ADAMTS17: variants seen among roughly 807,000 people sequenced by gnomAD.
The protein encoded by ADAMTS17 is A disintegrin and metalloproteinase with thrombospondin motifs 17.
In ADAMTS17, 113 loss-of-function variants were observed where a neutral mutation model predicts 141.5. The observed-to-expected ratio is 0.80, with a 90% CI of 0.69 to 0.93. The LOEUF is 0.93. Among genes scored for constraint, ADAMTS17 ranks in the 40% least tolerant of loss-of-function variants. The probability of loss-of-function intolerance (pLI) is 0.00; values close to 1 mark genes in which losing one functional copy is unlikely to be tolerated. For missense variants in ADAMTS17, 1,659 were observed against 1,517.9 expected (o/e 1.09, Z -1.54); for synonymous variants, 768 against 630.6 (o/e 1.22, Z -3.27).
At chr15:100,269,995 C>G (rs553519578) in intron 4 of ADAMTS17, among the ~76,000 whole-genome samples, 12 of 152,364 alleles carry the variant, frequency 7.9e-5, no homozygotes, top group African/African-American at 2.6e-4. Flanking sequence ...TTACAAGACT[C>G]CTTTCTTCCT....
chr15:100,282,785 T>A (rs555138257), intron 3 of ADAMTS17, among the ~76,000 whole-genome samples: 15 of 152,076 alleles, frequency 9.9e-5, no homozygotes, highest in African/African-American at 3.6e-4. Flanking sequence ...CAACTATAGA[T>A]AAAGCCAACA....
In ADAMTS17 at chr15:100,303,962, G is replaced by A. The variant is rs191296835; in HGVS notation, c.617-22561C>T. ...TGGTCTCCAACTCCTGACCTCAGGT[G>A]ATCCACCCGCTTCGGCCTCCCAAAG... On this transcript the variant is annotated intron_variant, in intron 3 of 21. Transcript: ENST00000268070. Among the ~76,000 whole-genome samples the A allele has an allele frequency of 1.6e-3, 247 of 152,312 alleles. 4 individuals are homozygous for A. The highest frequency in any genetic ancestry group is 1.6e-3 in the Non-Finnish European group (112 of 68,028).
chr15:100,176,783 C>T (rs1195402803), intron 8 of ADAMTS17, among the ~76,000 whole-genome samples: 1 of 152,256 alleles, frequency 6.6e-6, no homozygotes, highest in Non-Finnish European at 1.5e-5. Context: ...CCTCCCTATC[C>T]TTCAAACCCT....
At chr15:100,017,541 G>T (rs193207202) in intron 18 of ADAMTS17, among the ~76,000 whole-genome samples, 94 of 152,296 alleles carry the variant, frequency 6.2e-4, no homozygotes, top group Non-Finnish European at 8.7e-4. Flanking sequence ...GGCCTTTCCC[G>T]CTGCTTCCTC....
At chr15:100,221,499 C>T (rs372825459) in intron 7 of ADAMTS17, among the ~76,000 whole-genome samples, 1 of 152,242 alleles carries the variant, frequency 6.6e-6, no homozygotes, top group South Asian at 2.1e-4. Flanking sequence ...TGCTATAATA[C>T]CTATTGTTCT....
At chr15:100,122,894 A>G (rs2037521494) in intron 12 of ADAMTS17, among the ~76,000 whole-genome samples, 1 of 152,192 alleles carries the variant, frequency 6.6e-6, no homozygotes, top group Non-Finnish European at 1.5e-5. Flanking sequence ...GTGGACCTGC[A>G]CAGTTCAAAC....
At chr15:100,085,168 G>A (rs1486750376) in intron 15 of ADAMTS17, among the ~76,000 whole-genome samples, 2 of 152,158 alleles carry the variant, frequency 1.3e-5, no homozygotes, top group East Asian at 3.8e-4. Context: ...GGAGCTGAAA[G>A]CCATGGCACA....
intron 8 of ADAMTS17, among the ~76,000 whole-genome samples, chr15:100,156,311 T>C (rs973598185): frequency 1.3e-5 from 2 of 152,124 alleles, no homozygotes; most frequent in Non-Finnish European, 2.9e-5. Flanking sequence ...TGGTGGTGTC[T>C]CCCCAAAAGA....
intron 15 of ADAMTS17, among the ~76,000 whole-genome samples, chr15:100,056,441 G>A (rs1377702163): frequency 3.3e-5 from 5 of 152,024 alleles, no homozygotes; most frequent in Admixed American, 3.3e-4. Context: ...GGGGGTTGGG[G>A]GAAGTGGGGT....
chr15:99,994,071 C>T (rs2060746180), intron 19 of ADAMTS17, among the ~76,000 whole-genome samples: 1 of 152,130 alleles, frequency 6.6e-6, no homozygotes. Flanking sequence ...CCCGGGCTGG[C>T]AGGAGAACTT....
At chr15:100,038,879 T>C (rs1410823605) in intron 18 of ADAMTS17, among the ~76,000 whole-genome samples, 2 of 152,264 alleles carry the variant, frequency 1.3e-5, no homozygotes, top group Non-Finnish European at 2.9e-5. Context: ...GAGCAGATAC[T>C]GTGTCTTGCT....
intron 12 of ADAMTS17, among the ~76,000 whole-genome samples, chr15:100,124,309 C>G (rs1458242998): frequency 1.3e-5 from 2 of 152,188 alleles, no homozygotes; most frequent in Non-Finnish European, 2.9e-5. Flanking sequence ...AGCTTAGATA[C>G]AAAACCAAAC....
intron 17 of ADAMTS17, among the ~76,000 whole-genome samples, chr15:100,051,211 G>C (rs1461276790): frequency 6.6e-6 from 1 of 152,200 alleles, no homozygotes; most frequent in Non-Finnish European, 1.5e-5. Context: ...AGCGGGCAGA[G>C]ACATGCTCTG....
At chr15:100,014,169 C>A (rs1336726466) in intron 18 of ADAMTS17, among the ~76,000 whole-genome samples, 1 of 152,148 alleles carries the variant, frequency 6.6e-6, no homozygotes, top group Non-Finnish European at 1.5e-5. Context: ...AGTTTATGTA[C>A]ATAAAGATGT....
At position 100,307,472 on chromosome 15, in the gene ADAMTS17, T is replaced by C. The variant is rs543744015; in HGVS notation, c.616+23417A>G. On this transcript the variant is annotated intron_variant, in intron 3 of 21. Transcript: ENST00000268070. ...AGCAAGGAAGCCCCAGCCACACTGC[T>C]GTAAACCCTGGGTCCAGCCATGACT... Among the ~76,000 whole-genome samples, 9 of 152,328 alleles carry C rather than the reference T, an allele frequency of 5.9e-5. No homozygotes were observed. The South Asian group carries it at 1.9e-3, about 32-fold the overall frequency.
chr15:100,038,121 G>A (rs192008773), intron 18 of ADAMTS17, among the ~76,000 whole-genome samples: 3 of 152,178 alleles, frequency 2.0e-5, no homozygotes, highest in Non-Finnish European at 2.9e-5. Context: ...TGTTTGAAAA[G>A]ACTATTCTTT....
At chr15:100,223,200 C>A (rs1022504052) in intron 7 of ADAMTS17, among the ~76,000 whole-genome samples, 1 of 152,208 alleles carries the variant, frequency 6.6e-6, no homozygotes, top group Non-Finnish European at 1.5e-5. Context: ...AAACTGGAAA[C>A]TGTCTAAAGG....
At chr15:100,077,545 A>G (rs1028504473) in intron 15 of ADAMTS17, among the ~76,000 whole-genome samples, 6 of 152,090 alleles carry the variant, frequency 3.9e-5, no homozygotes, top group Non-Finnish European at 7.4e-5. Context: ...AGGTGCAGGA[A>G]AAGCATTTGA....
intron 20 of ADAMTS17, among the ~76,000 whole-genome samples, chr15:99,988,860 T>G (rs896285380): frequency 3.3e-5 from 5 of 152,206 alleles, no homozygotes; most frequent in African/African-American, 1.2e-4. Flanking sequence ...ACGTGATGCA[T>G]GAGCACCAGG....
Sources: allele counts gnomAD v4.1 joint callset (sites outside exome capture counted in the v4.1 genomes callset), GRCh38; gene constraint gnomAD v4.1.1; transcripts MANE v1.5; gene names NCBI Gene and HGNC (gene_info 2026-07-23, HGNC 2026-07-21).